PRKCB: variants seen among roughly 807,000 people sequenced by gnomAD.
The protein encoded by PRKCB is protein kinase C beta type.
PRKCB carries 13 observed loss-of-function variants against 81.5 expected under a neutral mutation model. That is an observed-to-expected ratio of 0.16 (90% CI 0.10 to 0.25). The LOEUF (loss-of-function observed/expected upper bound fraction) is 0.25, where lower values mean the gene tolerates loss of function less well. Ranked by LOEUF, PRKCB falls within the 10% of genes least tolerant of loss-of-function variation. The pLI is 1.00. For synonymous variants in PRKCB, 335 were observed against 321.4 expected (o/e 1.04, Z -0.45); for missense variants, 509 against 875.7 (o/e 0.58, Z 5.29).
At chr16:24,030,709 C>G (rs1032859129) in intron 3 of PRKCB, among the ~76,000 whole-genome samples, 1 of 108,368 alleles carries the variant, frequency 9.2e-6, no homozygotes. Flanking sequence ...TGAGACCCCC[C>G]TCTCTACAAA....
At chr16:23,891,047 T>TATATAAA (rs1555482496) in intron 2 of PRKCB, among the ~76,000 whole-genome samples, 10 of 148,526 alleles carry the variant, frequency 6.7e-5, no homozygotes. Context: ...TGTGTATATA[T>TATATAAA]ATATATAATT....
intron 2 of PRKCB, among the ~76,000 whole-genome samples, chr16:23,951,090 T>G (rs1964275344): frequency 6.6e-6 from 1 of 152,332 alleles, no homozygotes; most frequent in South Asian, 2.1e-4. Flanking sequence ...TATGCGGCAT[T>G]ACTTTTCCTG....
Position 24,218,342 on chromosome 16 carries a change from G to T in PRKCB, c.*3526G>T. On this transcript the variant is annotated 3_prime_UTR_variant, in exon 17 of 17. Coordinates refer to ENST00000643927, the MANE Select transcript of PRKCB (RefSeq NM_002738.7). ...GTAACATGCCGAGCGCCTGGGGGAT[G>T]GAAACTCCTATAGCACCCCACAGGC... is the stretch of plus-strand genomic sequence containing the variant. 1 of 985,246 alleles carries T rather than the reference G, an allele frequency of 1.0e-6. No individual in the cohort carries two copies. Among genetic ancestry groups the T allele is most frequent in the African/African-American group, 1.7e-5 (1 of 57,270 alleles). The allele number at this position is 985,246 out of a possible 1,614,324, so 61.0% of individuals were successfully genotyped here. A position where few individuals can be genotyped will look rare whatever the true frequency, so the allele number is the denominator to read the frequency against.
intron 3 of PRKCB, among the ~76,000 whole-genome samples, chr16:24,008,743 G>C (rs961870814): frequency 6.6e-6 from 1 of 152,044 alleles, no homozygotes; most frequent in Non-Finnish European, 1.5e-5. Context: ...AAAGTTTTAA[G>C]TGTAAAATGC....
chr16:24,008,259 C>T (rs1258906612), intron 3 of PRKCB, among the ~76,000 whole-genome samples: 1 of 152,210 alleles, frequency 6.6e-6, no homozygotes, highest in African/African-American at 2.4e-5. Flanking sequence ...GCCTGGTAGA[C>T]CTCAACCCTG....
At chr16:24,017,648 A>G (rs988191126) in intron 3 of PRKCB, among the ~76,000 whole-genome samples, 1 of 152,240 alleles carries the variant, frequency 6.6e-6, no homozygotes, top group Non-Finnish European at 1.5e-5. Context: ...ACACAGGAAA[A>G]TTTGTTACAA....
intron 10 of PRKCB, among the ~76,000 whole-genome samples, chr16:24,162,393 C>G (rs1003244049): frequency 2.6e-5 from 4 of 151,764 alleles, no homozygotes; most frequent in African/African-American, 9.7e-5. Context: ...CACCCCTTCC[C>G]CTGCCCCCCA....
At chr16:23,924,261 C>G (rs371179740) in intron 2 of PRKCB, among the ~76,000 whole-genome samples, 1 of 152,050 alleles carries the variant, frequency 6.6e-6, no homozygotes, top group Admixed American at 6.6e-5. Flanking sequence ...TCCCCTTCGC[C>G]TTCTGTCATA....
At chr16:24,110,185 AGG>A (rs1204006137) in intron 7 of PRKCB, among the ~76,000 whole-genome samples, 1 of 131,206 alleles carries the variant, frequency 7.6e-6, no homozygotes, top group African/African-American at 3.1e-5. Context: ...GGAGAGGGAG[AGG>A]GAGAGAGCGT....
At chr16:24,199,932 G>A (rs1302964686) in intron 16 of PRKCB, among the ~76,000 whole-genome samples, 4 of 152,224 alleles carry the variant, frequency 2.6e-5, no homozygotes, top group Non-Finnish European at 5.9e-5. Flanking sequence ...GCTACCAGGA[G>A]AGTCATGATA....
In PRKCB at chr16:23,980,798, A is replaced by AAT. The variant is rs143162594; in HGVS notation, c.206-7695_206-7694dup. 4.1e-3 allele frequency among the ~76,000 whole-genome samples: 616 copies of AAT among 148,760 alleles called. 9 individuals carry two copies. Among genetic ancestry groups the AAT allele is most frequent in the African/African-American group, 0.012 (470 of 39,860 alleles). ...CAAGAGGGGAATCGACTCCAAACAGAATATATATATATATATGATTTAATT... is the reference window on the plus strand; with the variant it reads ...CAAGAGGGGAATCGACTCCAAACAGAATATATATATATATATATGATTTAATT... On this transcript the variant is annotated intron_variant, in intron 2 of 16. Coordinates refer to ENST00000643927, the MANE Select transcript of PRKCB (RefSeq NM_002738.7).
intron 2 of PRKCB, among the ~76,000 whole-genome samples, chr16:23,986,339 A>T (rs1964803894): frequency 6.6e-6 from 1 of 152,078 alleles, no homozygotes; most frequent in Non-Finnish European, 1.5e-5. Flanking sequence ...CTGCAGCCCC[A>T]ACTTCCTGGG....
intron 5 of PRKCB, among the ~76,000 whole-genome samples, chr16:24,087,004 G>T (rs1405343451): frequency 6.6e-6 from 1 of 152,002 alleles, no homozygotes; most frequent in Non-Finnish European, 1.5e-5. Context: ...TTTATATTTT[G>T]CTCCATTTGG....
At chr16:24,210,641 A>G (rs1448196532) in intron 16 of PRKCB, among the ~76,000 whole-genome samples, 1 of 152,012 alleles carries the variant, frequency 6.6e-6, no homozygotes, top group African/African-American at 2.4e-5. Context: ...CTGGGACCAC[A>G]GGTGTGCACC....
intron 5 of PRKCB, among the ~76,000 whole-genome samples, chr16:24,041,526 C>CTT (rs34651479): frequency 1.8e-4 from 27 of 147,864 alleles, no homozygotes; most frequent in Admixed American, 3.4e-4. Flanking sequence ...CAGAAAGAAC[C>CTT]TTTTTTTTTT....
chr16:24,157,391 A>G (rs1443689979), intron 10 of PRKCB, among the ~76,000 whole-genome samples: 2 of 152,202 alleles, frequency 1.3e-5, no homozygotes, highest in African/African-American at 2.4e-5. Flanking sequence ...CATGCTAGTT[A>G]TGATAGTGAG....
intron 16 of PRKCB, among the ~76,000 whole-genome samples, chr16:24,203,468 C>T (rs1187632444): frequency 1.3e-5 from 2 of 152,112 alleles, no homozygotes; most frequent in Non-Finnish European, 1.5e-5. Flanking sequence ...AATCCAGTCA[C>T]CTCCAAAAGT....
chr16:24,162,290 A>G (rs543104734), intron 10 of PRKCB, among the ~76,000 whole-genome samples: 72 of 152,226 alleles, frequency 4.7e-4, no homozygotes, highest in African/African-American at 1.7e-3. Context: ...GGCTGGCAGC[A>G]GTACCCAAGG....
intron 2 of PRKCB, among the ~76,000 whole-genome samples, chr16:23,866,975 TTCCCTTCCTTCCCTTCCTTCCC>T (rs1220432439): frequency 2.0e-3 from 188 of 93,556 alleles, no homozygotes; most frequent in African/African-American, 7.6e-3. Context: ...CTTCCCTTCC[TTCCCTTCCTTCCCTTCCTTCCC>T]TTCCTTCCTT....
Sources: gnomAD v4.1 joint callset for allele counts (sites outside exome capture counted in the v4.1 genomes callset) on GRCh38, gnomAD v4.1.1 for gene constraint, MANE v1.5 for transcripts, NCBI Gene and HGNC (gene_info 2026-07-23, HGNC 2026-07-21) for gene names.